ANKIB1: variants seen among roughly 807,000 people sequenced by gnomAD.
The protein encoded by ANKIB1 is ankyrin repeat and IBR domain-containing protein 1.
ANKIB1 carries 43 observed loss-of-function variants against 122.1 expected under a neutral mutation model. The ratio of observed to expected loss-of-function variants is 0.35; its 90% CI spans 0.28 to 0.45. The LOEUF (loss-of-function observed/expected upper bound fraction) is 0.45. Ranked by LOEUF, ANKIB1 falls within the 20% of genes least tolerant of loss-of-function variation. The probability of loss-of-function intolerance (pLI) is 1.00; values close to 1 mark genes in which losing one functional copy is unlikely to be tolerated. For missense variants in ANKIB1, 992 were observed against 1,329.5 expected, an observed-to-expected ratio of 0.75 and a Z score of 3.95; for synonymous variants, 390 against 442.0, an observed-to-expected ratio of 0.88 and a Z score of 1.48.
At chr7:92,398,162 C>A in intron 19 of ANKIB1, 50 bp from the exon 20 acceptor site, 1 of 1,516,054 alleles carries the variant, frequency 6.6e-7, no homozygotes, top group Non-Finnish European at 8.8e-7. Context: ...TGAGTTAAAT[C>A]AGTTTTTTTC....
intron 1 of ANKIB1, among the ~76,000 whole-genome samples, chr7:92,264,555 G>A (rs1031644829): frequency 6.6e-6 from 1 of 151,256 alleles, no homozygotes; most frequent in Non-Finnish European, 1.5e-5. Flanking sequence ...GTGCCACCAC[G>A]CTTGACTAAT....
chr7:92,355,950 T>G (rs1803800968), intron 9 of ANKIB1, among the ~76,000 whole-genome samples: 1 of 151,744 alleles, frequency 6.6e-6, no homozygotes, highest in Non-Finnish European at 1.5e-5. Flanking sequence ...TTACTGAAAC[T>G]GTGCAAAAAA....
Position 92,295,175 on chromosome 7 carries a change from T to C in ANKIB1, c.188+9T>C. The C allele has an allele frequency of 1.3e-6, 2 of 1,518,512 alleles. No homozygotes were observed. The highest frequency in any genetic ancestry group is 2.1e-5 in the Admixed American group (1 of 48,266). The allele number at this position is 1,518,512 out of a possible 1,614,324, so 94.1% of individuals were successfully genotyped here. On this transcript the variant is annotated intron_variant, in intron 2 of 19. Coordinates refer to ENST00000265742, the MANE Select transcript of ANKIB1 (RefSeq NM_019004.2). ...ATGAATAAAATATTAGGGTAAGTAT[T>C]ACTATAAACTAATTGGTATTAGGGT...
At chr7:92,324,369 G>C (rs989751126) in intron 4 of ANKIB1, among the ~76,000 whole-genome samples, 31 of 152,260 alleles carry the variant, frequency 2.0e-4, no homozygotes, top group Non-Finnish European at 3.5e-4. Context: ...AAGTAGCTGG[G>C]ATTACAGGCG....
intron 5 of ANKIB1, among the ~76,000 whole-genome samples, chr7:92,334,790 A>G (rs1297382019): frequency 3.9e-5 from 6 of 151,984 alleles, no homozygotes; most frequent in Admixed American, 3.9e-4. Flanking sequence ...ATCAATAGCT[A>G]TATGACTACA....
intron 18 of ANKIB1, among the ~76,000 whole-genome samples, chr7:92,397,270 A>T (rs993896846): frequency 1.3e-5 from 2 of 152,022 alleles, no homozygotes; most frequent in Non-Finnish European, 2.9e-5. Flanking sequence ...TGCGGATCAC[A>T]ATGTCAGGAG....
intron 3 of ANKIB1, among the ~76,000 whole-genome samples, chr7:92,312,800 A>T (rs951425872): frequency 6.6e-6 from 1 of 152,174 alleles, no homozygotes; most frequent in African/African-American, 2.4e-5. Context: ...TATGTAATGG[A>T]TACTCAGCAC....
chr7:92,325,368 T>C (rs774910335), intron 4 of ANKIB1, among the ~76,000 whole-genome samples: 5 of 152,184 alleles, frequency 3.3e-5, no homozygotes, highest in Non-Finnish European at 7.3e-5. Context: ...TATTTCAGAG[T>C]ACAGCTCAGG....
intron 1 of ANKIB1, among the ~76,000 whole-genome samples, chr7:92,247,378 T>C (rs1390171764): frequency 1.3e-5 from 2 of 152,214 alleles, no homozygotes; most frequent in Non-Finnish European, 2.9e-5. Flanking sequence ...TTTGCTTTGT[T>C]ACAAGCTTTT....
intron 1 of ANKIB1, among the ~76,000 whole-genome samples, chr7:92,248,168 TTC>T (rs1222930600): frequency 1.3e-5 from 2 of 152,302 alleles, no homozygotes; most frequent in South Asian, 4.1e-4. Context: ...ATGTTGTTGA[TTC>T]TCTTTTCCTT....
intron 1 of ANKIB1, among the ~76,000 whole-genome samples, chr7:92,288,303 A>C (rs1365334773): frequency 6.6e-6 from 1 of 152,230 alleles, no homozygotes. Context: ...AAATACGTGC[A>C]CCATTTGTAT....
chr7:92,383,066 C>G (rs1476481097), intron 11 of ANKIB1, among the ~76,000 whole-genome samples: 1 of 152,112 alleles, frequency 6.6e-6, no homozygotes, highest in African/African-American at 2.4e-5. Flanking sequence ...GATATCACCA[C>G]TAATCCCACA....
chr7:92,370,352 C>CA (rs963568578), intron 10 of ANKIB1, among the ~76,000 whole-genome samples: 3 of 150,932 alleles, frequency 2.0e-5, no homozygotes, highest in Admixed American at 6.6e-5. Flanking sequence ...ACTAAAAATA[C>CA]AAAAAATTAG....
chr7:92,246,501 C>T lies in ANKIB1; in HGVS notation c.-109C>T, dbSNP rs1424503628. 1 of 518,558 alleles carries T rather than the reference C, an allele frequency of 1.9e-6. No individual in the cohort carries two copies. Among genetic ancestry groups the T allele is most frequent in the Non-Finnish European group, 3.8e-6 (1 of 259,834 alleles). 32.1% of individuals were successfully genotyped at this position (518,558 alleles called of 1,614,324 possible). On this transcript the variant is annotated 5_prime_UTR_variant, in exon 1 of 20. Coordinates refer to ENST00000265742, the MANE Select transcript of ANKIB1 (RefSeq NM_019004.2). The stretch of plus-strand genomic sequence containing the variant: ...GTTGCTGGGTCCACCGACCCTTACC[C>T]TCAGCGAGAGAAGTAACCGTAAGTC...
intron 1 of ANKIB1, among the ~76,000 whole-genome samples, chr7:92,263,289 A>G (rs1801601796): frequency 6.6e-6 from 1 of 152,220 alleles, no homozygotes; most frequent in East Asian, 1.9e-4. Flanking sequence ...AAGAAGAGCA[A>G]TGTTAATCCA....
intron 1 of ANKIB1, among the ~76,000 whole-genome samples, chr7:92,265,876 G>A (rs1801661964): frequency 6.6e-6 from 1 of 152,318 alleles, no homozygotes; most frequent in Admixed American, 6.5e-5. Flanking sequence ...AAGATGTCAA[G>A]TAGGCACTGT....
chr7:92,370,970 G>A (rs928589576), intron 10 of ANKIB1, among the ~76,000 whole-genome samples: 8 of 152,264 alleles, frequency 5.3e-5, no homozygotes, highest in Non-Finnish European at 5.9e-5. Context: ...CTTAGTTTTA[G>A]ATATGTCACA....
intron 10 of ANKIB1, among the ~76,000 whole-genome samples, chr7:92,365,611 C>G (rs1804055440): frequency 6.6e-6 from 1 of 151,678 alleles, no homozygotes; most frequent in African/African-American, 2.4e-5. Flanking sequence ...TGCTTACTTA[C>G]AAAGATCACT....
chr7:92,397,224 A>G (rs1194641460), intron 18 of ANKIB1, among the ~76,000 whole-genome samples: 1 of 152,220 alleles, frequency 6.6e-6, no homozygotes, highest in Non-Finnish European at 1.5e-5. Flanking sequence ...ACGGTGGCTC[A>G]TGCCTGTCAT....
Sources: gnomAD v4.1 joint callset for allele counts (sites outside exome capture counted in the v4.1 genomes callset) on GRCh38, gnomAD v4.1.1 for gene constraint, MANE v1.5 for transcripts, NCBI Gene and HGNC (gene_info 2026-07-23, HGNC 2026-07-21) for gene names.